MCC: variants seen among roughly 807,000 people sequenced by gnomAD.
The protein encoded by MCC is MCC regulator of Wnt signaling pathway, also known as colorectal mutant cancer protein.
Under a neutral mutation model 116.2 loss-of-function variants are expected in MCC, and 90 were observed. The ratio of observed to expected loss-of-function variants is 0.77; its 90% CI spans 0.65 to 0.92. The LOEUF is 0.92. Among genes scored for constraint, MCC ranks in the 40% least tolerant of loss-of-function variants. The pLI, the probability that MCC is intolerant of heterozygous loss-of-function variation, is 0.00. For synonymous variants in MCC, 578 were observed against 510.5 expected (o/e 1.13, Z -1.78); for missense variants, 1,516 against 1,312.2 (o/e 1.16, Z -2.40).
intron 13 of MCC, 65 bp from the exon 14 acceptor site, chr5:113,064,232 C>T: frequency 6.9e-7 from 1 of 1,453,458 alleles, no homozygotes; most frequent in Non-Finnish European, 9.4e-7. Context: ...CTGGGAGGGA[C>T]TATGCATAAT....
intron 3 of MCC, among the ~76,000 whole-genome samples, chr5:113,206,975 C>G (rs1418568730): frequency 6.6e-6 from 1 of 152,096 alleles, no homozygotes. Flanking sequence ...AAAGTAGAAC[C>G]CAGTTCTTCC....
chr5:113,137,738 T>C (rs1450327024), intron 5 of MCC, among the ~76,000 whole-genome samples: 3 of 152,092 alleles, frequency 2.0e-5, no homozygotes, highest in Non-Finnish European at 4.4e-5. Context: ...GATTTTTAGG[T>C]GTATTCATAA....
intron 1 of MCC, among the ~76,000 whole-genome samples, chr5:113,399,057 C>T (rs1170258147): frequency 2.0e-5 from 3 of 152,152 alleles, no homozygotes; most frequent in Non-Finnish European, 4.4e-5. Flanking sequence ...GCTCAGGAGC[C>T]ACACTGGACA....
intron 3 of MCC, among the ~76,000 whole-genome samples, chr5:113,180,526 T>C (rs1035611538): frequency 6.6e-6 from 1 of 152,186 alleles, no homozygotes; most frequent in African/African-American, 2.4e-5. Flanking sequence ...AGGAGACTAT[T>C]CTTCTAGTTT....
chr5:113,217,927 G>T (rs1763387748), intron 3 of MCC, among the ~76,000 whole-genome samples: 1 of 151,968 alleles, frequency 6.6e-6, no homozygotes, highest in Non-Finnish European at 1.5e-5. Context: ...ACACATTTTC[G>T]GGGACTGAGG....
chr5:113,153,259 C>G (rs1464999816), intron 3 of MCC, among the ~76,000 whole-genome samples: 1 of 152,190 alleles, frequency 6.6e-6, no homozygotes, highest in Non-Finnish European at 1.5e-5. Context: ...GACTTGCTTC[C>G]TTCCTCATTA....
chr5:113,434,359 A>T lies in MCC; in HGVS notation c.171-49147T>A. ...ATTCGACCACTGTCATCCCGCAGGC[A>T]GCGCTTGGAGAAGCTGAAGTCGGAC... On this transcript the variant is annotated intron_variant, in intron 1 of 18. Transcript: ENST00000408903. The surrounding 1 kb of genome is among the most constrained non-coding windows in gnomAD (Gnocchi z 4.2). 1.2e-6 allele frequency: 2 copies of T among 1,613,796 alleles called. No individual in the cohort carries two copies. The highest frequency in any genetic ancestry group is 2.2e-5 in the South Asian group (2 of 91,048).
intron 13 of MCC, among the ~76,000 whole-genome samples, chr5:113,067,413 G>A (rs1446240785): frequency 3.3e-5 from 5 of 152,184 alleles, no homozygotes; most frequent in Non-Finnish European, 5.9e-5. Flanking sequence ...TTTGAGGCAG[G>A]TGGATCACCT....
At chr5:113,222,397 T>C (rs1321040195) in intron 3 of MCC, among the ~76,000 whole-genome samples, 1 of 152,248 alleles carries the variant, frequency 6.6e-6, no homozygotes, top group Non-Finnish European at 1.5e-5. Flanking sequence ...TAATACATTT[T>C]CTGATTTTGG....
chr5:113,274,872 T>C (rs751666804), intron 3 of MCC, among the ~76,000 whole-genome samples: 1 of 152,212 alleles, frequency 6.6e-6, no homozygotes. Context: ...GAATGAATGT[T>C]ATACCTTATG....
chr5:113,277,485 T>C (rs1234426410), intron 3 of MCC, among the ~76,000 whole-genome samples: 1 of 152,210 alleles, frequency 6.6e-6, no homozygotes, highest in African/African-American at 2.4e-5. Context: ...CATGCCTGCA[T>C]ACTCCTTACT....
At chr5:113,271,905 C>CG (rs1455358185) in intron 3 of MCC, among the ~76,000 whole-genome samples, 3 of 152,132 alleles carry the variant, frequency 2.0e-5, no homozygotes, top group African/African-American at 7.2e-5. Flanking sequence ...AAATAAATTC[C>CG]TATTAATAAA....
intron 6 of MCC, among the ~76,000 whole-genome samples, chr5:113,107,690 A>C (rs1756828978): frequency 6.6e-6 from 1 of 152,194 alleles, no homozygotes; most frequent in Non-Finnish European, 1.5e-5. Context: ...AGTTATGTGC[A>C]TTAAGTGCTC....
intron 2 of MCC, among the ~76,000 whole-genome samples, chr5:113,358,168 T>C (rs1768459865): frequency 1.3e-5 from 2 of 152,202 alleles, no homozygotes; most frequent in South Asian, 2.1e-4. Context: ...TAGCCAATCA[T>C]GTCAGAGCCA....
chr5:113,274,589 G>A (rs1765750719), intron 3 of MCC, among the ~76,000 whole-genome samples: 1 of 152,140 alleles, frequency 6.6e-6, no homozygotes, highest in Non-Finnish European at 1.5e-5. Context: ...TTGAACTCCT[G>A]ACCTTTAGTG....
intron 3 of MCC, among the ~76,000 whole-genome samples, chr5:113,210,827 C>A (rs1763108248): frequency 6.6e-6 from 1 of 152,090 alleles, no homozygotes; most frequent in African/African-American, 2.4e-5. Context: ...TAAGATCGAC[C>A]CTAACCCTAC....
chr5:113,262,209 TGCCTAA>T (rs1318808748), intron 3 of MCC, among the ~76,000 whole-genome samples: 1 of 152,122 alleles, frequency 6.6e-6, no homozygotes, highest in East Asian at 1.9e-4. Flanking sequence ...CTTTAGCACA[TGCCTAA>T]GCATACAAGC....
intron 2 of MCC, among the ~76,000 whole-genome samples, chr5:113,362,680 G>A (rs1397554792): frequency 1.3e-5 from 2 of 151,880 alleles, no homozygotes; most frequent in Non-Finnish European, 2.9e-5. Flanking sequence ...ATTTTAAATT[G>A]TTACATCTTT....
chr5:113,302,337 A>G (rs1440167539), intron 3 of MCC, among the ~76,000 whole-genome samples: 1 of 152,222 alleles, frequency 6.6e-6, no homozygotes, highest in African/African-American at 2.4e-5. Context: ...AAGGGAAGTA[A>G]GCAAATGAGA....
Sources: allele counts gnomAD v4.1 joint callset (sites outside exome capture counted in the v4.1 genomes callset), GRCh38; gene constraint gnomAD v4.1.1; non-coding constraint Gnocchi (gnomAD v3.1); transcripts MANE v1.5; gene names NCBI Gene and HGNC (gene_info 2026-07-23, HGNC 2026-07-21).